Variants in SLC25A33 observed in about 807,000 individuals in gnomAD.
SLC25A33 encodes bone marrow stromal cell mitochondrial carrier protein.
SLC25A33 carries 15 observed loss-of-function variants against 35.5 expected under a neutral mutation model. The ratio of observed to expected loss-of-function variants is 0.42; its 90% CI spans 0.28 to 0.65. The LOEUF (loss-of-function observed/expected upper bound fraction) is 0.65. Among genes scored for constraint, SLC25A33 ranks in the 30% least tolerant of loss-of-function variants. SLC25A33 has a pLI of 0.20. For missense variants in SLC25A33, 257 were observed against 398.5 expected, an observed-to-expected ratio of 0.64 and a Z score of 3.02; for synonymous variants, 136 against 148.7, an observed-to-expected ratio of 0.91 and a Z score of 0.62.
rs749388168 is a variant in SLC25A33 at position 9,570,353 on chromosome 1, C to T, written c.410C>T (p.Ser137Phe). The T allele has an allele frequency of 2.1e-5, 34 of 1,613,414 alleles. No homozygotes were observed. The Admixed American group carries it at 5.7e-4, about 27-fold the overall frequency. Reference sequence around the variant, plus strand: ...ATTGTGCATATTTTCTCAGCTGGCTCTGCAGGTATGTTACCCTAGTGAGTG... The same window carrying T: ...ATTGTGCATATTTTCTCAGCTGGCTTTGCAGGTATGTTACCCTAGTGAGTG... ...SNIVHIFSAG[S>F]AAFITNSLMN... Residue 137 changes from serine (S) to phenylalanine (F), a missense_variant, in exon 4 of 7, where the codon TCT becomes TTT. Coordinates refer to ENST00000302692, the MANE Select transcript of SLC25A33 (RefSeq NM_032315.3).
intron 1 of SLC25A33, among the ~76,000 whole-genome samples, chr1:9,549,667 C>T (rs1643234904): frequency 6.7e-6 from 1 of 148,376 alleles, no homozygotes; most frequent in South Asian, 2.1e-4. Context: ...GTCGCTCAGG[C>T]TGGAGTGCAG....
intron 1 of SLC25A33, among the ~76,000 whole-genome samples, chr1:9,553,337 G>A (rs554522600): frequency 1.0e-4 from 15 of 146,416 alleles, no homozygotes; most frequent in African/African-American, 3.3e-4. Context: ...CCATTCTCCT[G>A]CCTCAGCCTC....
chr1:9,572,428 G>A (rs890201386), intron 4 of SLC25A33, among the ~76,000 whole-genome samples: 112 of 151,296 alleles, frequency 7.4e-4, no homozygotes, highest in African/African-American at 2.7e-3. Context: ...TGGCTAACAC[G>A]GTGAAACCCT....
chr1:9,580,701 C>T (rs1296289522), intron 6 of SLC25A33, among the ~76,000 whole-genome samples: 1 of 151,644 alleles, frequency 6.6e-6, no homozygotes, highest in African/African-American at 2.4e-5. Flanking sequence ...ACTAAAAATA[C>T]AAAAATTAGC....
chr1:9,558,351 G>A (rs1018972476), intron 2 of SLC25A33, among the ~76,000 whole-genome samples: 1 of 152,142 alleles, frequency 6.6e-6, no homozygotes, highest in African/African-American at 2.4e-5. Flanking sequence ...ACAACCTCTG[G>A]CTGTTGGAGG....
intron 3 of SLC25A33, among the ~76,000 whole-genome samples, chr1:9,569,962 G>T (rs1472186668): frequency 1.3e-5 from 2 of 152,110 alleles, no homozygotes; most frequent in African/African-American, 2.4e-5. Flanking sequence ...TAAAGGATTA[G>T]CATTTATCCA....
At chr1:9,573,475 A>G (rs1004918843) in intron 5 of SLC25A33, 63 bp downstream of exon 5, 1 of 1,303,890 alleles carries the variant, frequency 7.7e-7, no homozygotes, top group East Asian at 2.3e-5. Flanking sequence ...TCTTGCCCCA[A>G]TTCCTCCACA....
At chr1:9,564,033 C>T (rs1643463327) in intron 2 of SLC25A33, among the ~76,000 whole-genome samples, 1 of 152,018 alleles carries the variant, frequency 6.6e-6, no homozygotes, top group Non-Finnish European at 1.5e-5. Context: ...ATGGATGGTA[C>T]TACTAGTAAA....
At position 9,580,047 on chromosome 1, in the gene SLC25A33, C is replaced by A. The variant is rs577320018; in HGVS notation, c.576C>A (p.Ala192=). The A allele has an allele frequency of 6.2e-7, 1 of 1,612,642 alleles. No homozygotes were observed. The stretch of plus-strand genomic sequence containing the variant: ...GTGGCTTCTATAGAGGATTAACTGC[C>A]TCGTATGCTGGAATTTCCGAAACTA... ...GIRGFYRGLT[A]SYAGISETII... The change falls in exon 6 of 7, where the codon GCC becomes GCA. Residue 192 remains alanine, a synonymous_variant. Coordinates refer to ENST00000302692, the MANE Select transcript of SLC25A33 (RefSeq NM_032315.3).
At chr1:9,566,169 G>T (rs1018812941) in intron 2 of SLC25A33, among the ~76,000 whole-genome samples, 1 of 151,978 alleles carries the variant, frequency 6.6e-6, no homozygotes, top group African/African-American at 2.4e-5. Flanking sequence ...CTCCTGAGTA[G>T]CTGGGACCAC....
chr1:9,580,485 T>G (rs1643726481), intron 6 of SLC25A33, among the ~76,000 whole-genome samples: 1 of 152,180 alleles, frequency 6.6e-6, no homozygotes, highest in Non-Finnish European at 1.5e-5. Flanking sequence ...TTGCTGAACT[T>G]TTGCTGTTTT....
At chr1:9,574,249 A>G (rs1313120487) in intron 5 of SLC25A33, among the ~76,000 whole-genome samples, 1 of 150,864 alleles carries the variant, frequency 6.6e-6, no homozygotes, top group Non-Finnish European at 1.5e-5. Context: ...GCATGCCACC[A>G]CACCCAGCTA....
intron 5 of SLC25A33, among the ~76,000 whole-genome samples, chr1:9,573,974 T>TTTGTTG (rs372493170): frequency 1.3e-5 from 2 of 151,986 alleles, no homozygotes; most frequent in Non-Finnish European, 2.9e-5. Flanking sequence ...TTTTTGTTTT[T>TTTGTTG]TTGTTGTTGT....
At chr1:9,565,448 G>A (rs141720346) in intron 2 of SLC25A33, among the ~76,000 whole-genome samples, 3,556 of 151,608 alleles carry the variant, frequency 0.023, 143 homozygotes, top group African/African-American at 0.082. Flanking sequence ...CCTGGGAGGC[G>A]GAGCTTGCAG....
chr1:9,576,876 C>T, intron 5 of SLC25A33: 1 of 1,267,940 alleles, frequency 7.9e-7, no homozygotes, highest in South Asian at 1.2e-5. Context: ...GAGCTTGTTT[C>T]AAATTCAGTT....
chr1:9,580,865 A>AAATAATAAT (rs35059537), intron 6 of SLC25A33, among the ~76,000 whole-genome samples: 4 of 129,420 alleles, frequency 3.1e-5, no homozygotes, highest in Admixed American at 7.5e-5. Context: ...AAAAAAAAAA[A>AAATAATAAT]AATAATAATA....
chr1:9,542,690 T>A (rs1453369081), intron 1 of SLC25A33, among the ~76,000 whole-genome samples: 2 of 152,092 alleles, frequency 1.3e-5, no homozygotes, highest in Non-Finnish European at 2.9e-5. Flanking sequence ...GAAGTCAGAG[T>A]CCCCACTAAA....
chr1:9,562,876 TA>T (rs1263563921), intron 2 of SLC25A33, among the ~76,000 whole-genome samples: 1 of 148,244 alleles, frequency 6.7e-6, no homozygotes, highest in Non-Finnish European at 1.5e-5. Flanking sequence ...AAAAATTATA[TA>T]AATTGAACTA....
At chr1:9,546,485 C>T (rs1461923472) in intron 1 of SLC25A33, among the ~76,000 whole-genome samples, 3 of 152,054 alleles carry the variant, frequency 2.0e-5, no homozygotes, top group Admixed American at 2.0e-4. Flanking sequence ...CACCCGGCCC[C>T]ACAGAGAATT....
Sources: gnomAD v4.1 joint callset for allele counts (sites outside exome capture counted in the v4.1 genomes callset) on GRCh38, gnomAD v4.1.1 for gene constraint, MANE v1.5 for transcripts, NCBI Gene and HGNC (gene_info 2026-07-23, HGNC 2026-07-21) for gene names.